The following SLC48A1 variants were observed in gnomAD, a reference collection of about 807,000 sequenced individuals.
SLC48A1 encodes heme transporter HRG1.
A neutral mutation model predicts 14.8 loss-of-function variants in SLC48A1; 6 were observed. That is an observed-to-expected ratio of 0.41 (90% CI 0.22 to 0.80). The LOEUF is 0.80. Among genes scored for constraint, SLC48A1 ranks in the 30% least tolerant of loss-of-function variants. The pLI, the probability that SLC48A1 is intolerant of heterozygous loss-of-function variation, is 0.34. For synonymous variants in SLC48A1, 89 were observed against 90.0 expected (o/e 0.99, Z 0.06); for missense variants, 165 against 204.8 (o/e 0.81, Z 1.19).
In SLC48A1 at chr12:47,779,194, G is replaced by C. The variant is rs1038963859; in HGVS notation, c.303G>C (p.Gln101His). 3 of 1,550,696 alleles carry C rather than the reference G, an allele frequency of 1.9e-6. No homozygotes were observed. In the African/African-American group the frequency reaches 4.1e-5, roughly 21 times the overall value. The change falls in exon 2 of 3, where the codon CAG (glutamine) becomes CAC (histidine). Residue 101 changes from glutamine to histidine, a missense_variant and splice_region_variant. By Grantham distance (24) the Gln-to-His change is conservative. Coordinates refer to ENST00000442218, the MANE Select transcript of SLC48A1 (RefSeq NM_017842.3). Reference protein sequence around the residue: ...TFLVLAITRHQSLTDPTSYYL... With the variant: ...TFLVLAITRHHSLTDPTSYYL... ...TCGTGCTGGCCATCACCCGGCATCA[G>C]AGTGAGGGCGGGTCCCAGGGAAAGA...
At chr12:47,776,169 G>A (rs1942749073) in intron 1 of SLC48A1, among the ~76,000 whole-genome samples, 1 of 152,192 alleles carries the variant, frequency 6.6e-6, no homozygotes, top group Non-Finnish European at 1.5e-5. Flanking sequence ...TCCCCCGGGT[G>A]TCTCCTGTCT....
In SLC48A1 at chr12:47,780,557, CTTTT is replaced by C. The variant is rs745923256; in HGVS notation, c.*283_*286del. On this transcript the variant is annotated 3_prime_UTR_variant, in exon 3 of 3. Transcript: ENST00000442218. ...CAAATGAATCTGTTTTCTTTTCTTT[CTTTT>C]TTTTTTCTTTTTTTTTTTTTTTTGA... 29 of 560,186 alleles carry C rather than the reference CTTTT, an allele frequency of 5.2e-5. No homozygotes were observed. The highest frequency in any genetic ancestry group is 4.1e-4 in the Middle Eastern group (1 of 2,416). 34.7% of individuals were successfully genotyped at this position (560,186 alleles called of 1,614,324 possible).
upstream of SLC48A1, chr12:47,770,976 A>G (rs1942618036): frequency 2.2e-6 from 1 of 455,354 alleles, no homozygotes; most frequent in Non-Finnish European, 4.4e-6. Context: ...TGCACTCCGG[A>G]CCACGGGGCT....
At chr12:47,757,226 A>G (rs1376657236), upstream of SLC48A1, among the ~76,000 whole-genome samples, 1 of 152,158 alleles carries the variant, frequency 6.6e-6, no homozygotes, top group Non-Finnish European at 1.5e-5. Flanking sequence ...TAGTACAGCC[A>G]TTATCTTGCC....
At chr12:47,780,030 G>A in intron 2 of SLC48A1, 115 bp from the exon 3 acceptor site, 1 of 1,314,916 alleles carries the variant, frequency 7.6e-7, no homozygotes, top group Non-Finnish European at 1.0e-6. Flanking sequence ...GGTTGGTTCA[G>A]CTGCCAGGAC....
intron 1 of SLC48A1, chr12:47,760,197 T>A: frequency 1.0e-6 from 1 of 985,388 alleles, no homozygotes; most frequent in Non-Finnish European, 1.2e-6. Flanking sequence ...AAAATCTGTA[T>A]TTGGAACAAA....
exon 1 of SLC48A1, chr12:47,758,659 G>A (rs894827942): frequency 1.3e-5 from 21 of 1,580,024 alleles, no homozygotes; most frequent in Non-Finnish European, 1.5e-5. Flanking sequence ...GGGTGCCAGT[G>A]GGTAAGTCCA....
intron 1 of SLC48A1, among the ~76,000 whole-genome samples, chr12:47,775,214 A>G (rs1200884755): frequency 2.0e-5 from 3 of 152,156 alleles, no homozygotes; most frequent in African/African-American, 7.2e-5. Flanking sequence ...GCTGCCTCCT[A>G]GAGGGCTGTG....
rs529873032 is a variant in SLC48A1, at chr12:47,758,811, G to C, written c.-373+151G>C. 34 of 1,233,452 alleles carry C rather than the reference G, an allele frequency of 2.8e-5. No individual in the cohort carries two copies. The South Asian group carries it at 1.1e-3, about 38-fold the overall frequency. The allele number at this position is 1,233,452 out of a possible 1,614,324, so 76.4% of individuals were successfully genotyped here. A position where few individuals can be genotyped will look rare whatever the true frequency, so the allele number is the denominator to read the frequency against. On this transcript the variant is annotated intron_variant, in intron 1 of 4. Coordinates refer to the SLC48A1 transcript ENST00000547002. ...GCCACCCAGCCACCGGCGACAGGGA[G>C]CCCCGAGCCTGCGCCTTCGTCTCAG...
At chr12:47,763,769 G>T (rs1328381769) in intron 2 of SLC48A1, among the ~76,000 whole-genome samples, 1 of 152,210 alleles carries the variant, frequency 6.6e-6, no homozygotes, top group African/African-American at 2.4e-5. Context: ...AGGAGGGATG[G>T]GCTCCTGCCT....
At chr12:47,763,239 C>T (rs982508918) in intron 2 of SLC48A1, among the ~76,000 whole-genome samples, 2 of 152,190 alleles carry the variant, frequency 1.3e-5, no homozygotes, top group East Asian at 3.9e-4. Flanking sequence ...CATGTCTCCT[C>T]TATCCTGTGC....
At chr12:47,770,813 C>G (rs1466612798), upstream of SLC48A1, 1 of 456,550 alleles carries the variant, frequency 2.2e-6, no homozygotes, top group Admixed American at 2.3e-5. Context: ...TCCAAACCCG[C>G]TACTCTACCT....
intron 1 of SLC48A1, among the ~76,000 whole-genome samples, chr12:47,773,899 G>A (rs1592605919): frequency 6.6e-6 from 1 of 152,354 alleles, no homozygotes; most frequent in South Asian, 2.1e-4. Context: ...GCTGGGTGAG[G>A]GCAGAGAGGG....
At chr12:47,755,473 T>A (rs1038324597), upstream of SLC48A1, among the ~76,000 whole-genome samples, 5 of 152,258 alleles carry the variant, frequency 3.3e-5, 1 homozygote. Flanking sequence ...ACAAAGAGAA[T>A]CATCTCAGAC....
chr12:47,762,980 TATCTTTTATCTCCCTAATACAATA>T (rs1446502125), intron 2 of SLC48A1, among the ~76,000 whole-genome samples: 1 of 152,208 alleles, frequency 6.6e-6, no homozygotes, highest in African/African-American at 2.4e-5. Flanking sequence ...CTATTGGAAT[TATCTTTTATCTCCCTAATACAATA>T]ATCTGATTGG....
chr12:47,760,844 T>C (rs529504036), intron 2 of SLC48A1, among the ~76,000 whole-genome samples: 1 of 152,298 alleles, frequency 6.6e-6, no homozygotes, highest in African/African-American at 2.4e-5. Flanking sequence ...CTGCGTATAC[T>C]CTGTATGTAT....
intron 2 of SLC48A1, among the ~76,000 whole-genome samples, chr12:47,763,769 G>A (rs1328381769): frequency 6.6e-6 from 1 of 152,210 alleles, no homozygotes; most frequent in Non-Finnish European, 1.5e-5. Context: ...AGGAGGGATG[G>A]GCTCCTGCCT....
chr12:47,780,654 CCT>C lies in SLC48A1; in HGVS notation c.*375_*376del, dbSNP rs1488488738. ...CGATCTCAGCTCACTGCAACCTCCGCCTCCCAGGTTCAAGCAATTCTCCTGCC... is the reference window on the plus strand; with the variant it reads ...CGATCTCAGCTCACTGCAACCTCCGCCCCAGGTTCAAGCAATTCTCCTGCC... On this transcript the variant is annotated 3_prime_UTR_variant, in exon 3 of 3. Transcript: ENST00000442218. 2.4e-6 allele frequency: 1 copy of C among 415,468 alleles called. No individual in the cohort carries two copies. The highest frequency in any genetic ancestry group is 8.5e-4 in the Middle Eastern group (1 of 1,178). 25.7% of individuals were successfully genotyped at this position (415,468 alleles called of 1,614,324 possible). A position where few individuals can be genotyped will look rare whatever the true frequency, so the allele number is the denominator to read the frequency against.
In SLC48A1 at chr12:47,773,286, C is replaced by G. The variant is rs746812240; in HGVS notation, c.-19C>G. 11 of 1,403,820 alleles carry G rather than the reference C, an allele frequency of 7.8e-6. No individual in the cohort carries two copies. In the South Asian group the frequency reaches 1.2e-4, roughly 15 times the overall value. The allele number at this position is 1,403,820 out of a possible 1,614,324, so 87.0% of individuals were successfully genotyped here. On this transcript the variant is annotated 5_prime_UTR_variant, in exon 1 of 3. Transcript: ENST00000442218. ...CTCTCGGCCGCGCTCGCCCTCGGCCCGCCCGGCGCCGCAGCCCCATGGCCC... is the reference window on the plus strand; with the variant it reads ...CTCTCGGCCGCGCTCGCCCTCGGCCGGCCCGGCGCCGCAGCCCCATGGCCC...
Sources: gnomAD v4.1 joint callset for allele counts (sites outside exome capture counted in the v4.1 genomes callset) on GRCh38, gnomAD v4.1.1 for gene constraint, MANE v1.5 for transcripts, NCBI Gene and HGNC (gene_info 2026-07-23, HGNC 2026-07-21) for gene names.